Variants in CDKN3 observed in about 807,000 individuals in gnomAD.
CDKN3 encodes cyclin dependent kinase inhibitor 3.
A neutral mutation model predicts 36.1 loss-of-function variants in CDKN3; 19 were observed. The observed-to-expected ratio is 0.53, with a 90% CI of 0.37 to 0.77. CDKN3 has a LOEUF of 0.77. CDKN3 is among the 30% of genes least tolerant of loss of function. The pLI, the probability that CDKN3 is intolerant of heterozygous loss-of-function variation, is 0.00. For missense variants in CDKN3, 188 were observed against 248.6 expected, an observed-to-expected ratio of 0.76 and a Z score of 1.64; for synonymous variants, 71 against 85.3, an observed-to-expected ratio of 0.83 and a Z score of 0.92.
intron 1 of CDKN3, among the ~76,000 whole-genome samples, 168 bp from the exon 2 acceptor site, chr14:54,399,726 G>A (rs375048389): frequency 6.6e-6 from 1 of 152,186 alleles, no homozygotes; most frequent in East Asian, 1.9e-4. Context: ...TTAATAGGAA[G>A]GTAAATAGCA....
chr14:54,401,248 G>A (rs1566703641), intron 2 of CDKN3, among the ~76,000 whole-genome samples: 1 of 152,140 alleles, frequency 6.6e-6, no homozygotes, highest in East Asian at 1.9e-4. Context: ...TAAGTGCTGG[G>A]ATCATAGGCA....
intron 1 of CDKN3, 114 bp from the exon 2 acceptor site, chr14:54,399,776 GGATT>G: frequency 1.5e-6 from 1 of 684,836 alleles, no homozygotes. Flanking sequence ...TTAATATTCT[GGATT>G]GATGGCTGAA....
chr14:54,418,344 A>G (rs1447475537), intron 7 of CDKN3: 5 of 685,908 alleles, frequency 7.3e-6, no homozygotes, highest in African/African-American at 3.6e-5. Flanking sequence ...AAAAAAATCT[A>G]TGGAAGATCT....
chr14:54,408,667 A>G, intron 3 of CDKN3, 78 bp from the exon 4 acceptor site: 1 of 1,385,128 alleles, frequency 7.2e-7, no homozygotes, highest in Non-Finnish European at 9.8e-7. Context: ...TTTATAAAGT[A>G]GCTATATAAG....
intron 3 of CDKN3, among the ~76,000 whole-genome samples, chr14:54,404,925 G>T (rs918681760): frequency 1.3e-5 from 2 of 152,088 alleles, no homozygotes; most frequent in African/African-American, 4.8e-5. Context: ...GAATTTGTTT[G>T]CTCTTGCTTC....
intron 3 of CDKN3, among the ~76,000 whole-genome samples, chr14:54,407,538 C>G (rs1047718089): frequency 1.3e-5 from 2 of 152,224 alleles, no homozygotes; most frequent in African/African-American, 2.4e-5. Flanking sequence ...CAGAGATGCC[C>G]TGCCCAGAGT....
chr14:54,399,965 T>A lies in CDKN3; in HGVS notation c.81T>A (p.Ile27=). Residue 27 remains isoleucine (I), a synonymous_variant, in exon 2 of 8, where the codon ATT becomes ATA. Coordinates refer to ENST00000335183, the MANE Select transcript of CDKN3 (RefSeq NM_005192.4). ...EEPIEDEQTP[I]HISWLSLSRV... Reference sequence around the variant, plus strand: ...CTATTGAAGATGAACAGACTCCAATTCATATATCATGGTATGTTAGCATTT... The same window carrying A: ...CTATTGAAGATGAACAGACTCCAATACATATATCATGGTATGTTAGCATTT... 6.9e-7 allele frequency: 1 copy of A among 1,448,340 alleles called. No individual in the cohort carries two copies. Among genetic ancestry groups the A allele is most frequent in the Non-Finnish European group, 9.7e-7 (1 of 1,028,980 alleles). 89.7% of individuals were successfully genotyped at this position (1,448,340 alleles called of 1,614,324 possible).
In CDKN3 at chr14:54,412,992, T is replaced by C. The variant is rs932521856; in HGVS notation, c.416+1286T>C. On this transcript the variant is annotated intron_variant, in intron 5 of 7. Coordinates refer to ENST00000335183, the MANE Select transcript of CDKN3 (RefSeq NM_005192.4). ...CCCAGCCAACTTCTCCTCTTAAACC[T>C]ATAGCCCAGGGGCCTCATGCCAACA... 1.0e-4 allele frequency: 44 copies of C among 437,220 alleles called. No individual in the cohort carries two copies. In the Admixed American group the frequency reaches 1.1e-3, roughly 11 times the overall value. The allele number at this position is 437,220 out of a possible 1,614,324, so 27.1% of individuals were successfully genotyped here. A position where few individuals can be genotyped will look rare whatever the true frequency, so the allele number is the denominator to read the frequency against.
chr14:54,411,696 A>T lies in CDKN3; in HGVS notation c.406A>T (p.Thr136Ser), dbSNP rs1324840026. 1.3e-6 allele frequency: 2 copies of T among 1,596,606 alleles called. No homozygotes were observed. Among genetic ancestry groups the T allele is most frequent in the African/African-American group, 2.7e-5 (2 of 74,522 alleles). Residue 136 changes from threonine to serine, a missense_variant, in exon 5 of 8, where the codon ACC becomes TCC. Coordinates refer to ENST00000335183, the MANE Select transcript of CDKN3 (RefSeq NM_005192.4). ...AACCTGCCTTAAAAATTACCGAAAAACCTTAATACAGTACGTTCTTTTCTC... is the reference window on the plus strand; with the variant it reads ...AACCTGCCTTAAAAATTACCGAAAATCCTTAATACAGTACGTTCTTTTCTC... Reference protein sequence around the residue: ...LTTCLKNYRKTLIHCYGGLGR... With the variant: ...LTTCLKNYRKSLIHCYGGLGR...
rs4251634 is a variant in CDKN3 at position 54,410,558 on chromosome 14, G to C, written c.194-926G>C. Reference sequence around the variant, plus strand: ...ATATCATTATAATGAGAATAGCTAGGTCACAGAAGTTTAATACAGGTAATG... The same window carrying C: ...ATATCATTATAATGAGAATAGCTAGCTCACAGAAGTTTAATACAGGTAATG... On this transcript the variant is annotated intron_variant, in intron 4 of 7. Coordinates refer to ENST00000335183, the MANE Select transcript of CDKN3 (RefSeq NM_005192.4). Among the ~76,000 whole-genome samples the C allele has an allele frequency of 7.0e-3, 1,061 of 152,254 alleles. 9 individuals carry two copies. Among genetic ancestry groups the C allele is most frequent in the African/African-American group, 0.022 (921 of 41,558 alleles).
At chr14:54,408,521 A>G (rs1165515331) in intron 3 of CDKN3, 4 of 469,992 alleles carry the variant, frequency 8.5e-6, no homozygotes, top group Non-Finnish European at 1.4e-5. Context: ...ACAACCAGGT[A>G]CTTGTTACAG....
chr14:54,400,989 T>C (rs4251611), intron 2 of CDKN3, among the ~76,000 whole-genome samples: 123 of 152,370 alleles, frequency 8.1e-4, no homozygotes, highest in Admixed American at 6.1e-3. Flanking sequence ...GGGAGAAAAT[T>C]GTCCAATAGT....
chr14:54,406,876 T>A (rs1394418370), intron 3 of CDKN3, among the ~76,000 whole-genome samples: 9 of 152,130 alleles, frequency 5.9e-5, no homozygotes, highest in Admixed American at 5.9e-4. Flanking sequence ...CCAGTTTTGT[T>A]CCCTTGCTGG....
intron 5 of CDKN3, among the ~76,000 whole-genome samples, chr14:54,415,304 G>GTGA (rs2030499491): frequency 1.3e-5 from 2 of 152,188 alleles, no homozygotes; most frequent in East Asian, 3.8e-4. Flanking sequence ...TCATTTGTGA[G>GTGA]CCTCATTTAA....
At position 54,404,563 on chromosome 14, in the gene CDKN3, C is replaced by G. The variant is rs1342928707; in HGVS notation, c.148+2984C>G. Among the ~76,000 whole-genome samples the G allele has an allele frequency of 5.3e-5, 8 of 152,012 alleles. No individual in the cohort carries two copies. The East Asian group carries it at 1.4e-3, about 26-fold the overall frequency. The stretch of plus-strand genomic sequence containing the variant: ...TGTCTCTATCTCCTTCAGTTCTGCT[C>G]TGATCTTAGTTAGTTCTTTTTTTTT... On this transcript the variant is annotated intron_variant, in intron 3 of 7. Transcript: ENST00000335183.
chr14:54,413,558 C>T, intron 5 of CDKN3: 3 of 1,306,056 alleles, frequency 2.3e-6, no homozygotes, highest in East Asian at 2.5e-5. Context: ...ATGTTTCAGT[C>T]TCCCATAAAA....
At chr14:54,410,969 G>A (rs1461080395) in intron 4 of CDKN3, among the ~76,000 whole-genome samples, 2 of 152,006 alleles carry the variant, frequency 1.3e-5, no homozygotes, top group South Asian at 2.1e-4. Flanking sequence ...AACTGAGGTC[G>A]GGAGTTCAAG....
At position 54,413,995 on chromosome 14, in the gene CDKN3, T is replaced by C. The variant is rs150595929; in HGVS notation, c.417-1904T>C. On this transcript the variant is annotated intron_variant, in intron 5 of 7. Transcript: ENST00000335183. Reference sequence around the variant, plus strand: ...TCCTTCCATGCCTCTTCCTAGCTTCTGGTGGTGGCCATCAATCCATGGCAG... The same window carrying C: ...TCCTTCCATGCCTCTTCCTAGCTTCCGGTGGTGGCCATCAATCCATGGCAG... The C allele has an allele frequency of 1.5e-4, 37 of 247,428 alleles. 1 individual carries two copies. The highest frequency in any genetic ancestry group is 8.2e-4 in the African/African-American group (36 of 43,898). 15.3% of individuals were successfully genotyped at this position (247,428 alleles called of 1,614,324 possible).
Position 54,417,957 on chromosome 14 carries a change from G to A in CDKN3, c.552+6G>A, listed in dbSNP as rs768960505. On this transcript the variant is annotated splice_donor_region_variant and intron_variant, in intron 7 of 7. Transcript: ENST00000335183. The stretch of plus-strand genomic sequence containing the variant: ...GGGCAATACAGACCATCAAGGTGAG[G>A]AGGTGGGCGGTGCTTGCTTGGTTGT... The A allele has an allele frequency of 2.0e-6, 3 of 1,524,262 alleles. No individual in the cohort carries two copies. In the East Asian group the frequency reaches 6.9e-5, roughly 35 times the overall value. 94.4% of individuals were successfully genotyped at this position (1,524,262 alleles called of 1,614,324 possible).
Sources: allele counts gnomAD v4.1 joint callset (sites outside exome capture counted in the v4.1 genomes callset), GRCh38; gene constraint gnomAD v4.1.1; transcripts MANE v1.5; gene names NCBI Gene and HGNC (gene_info 2026-07-23, HGNC 2026-07-21).